MARCHF3: variants seen among roughly 807,000 people sequenced by gnomAD.
MARCHF3 encodes the protein membrane associated ring-CH-type finger 3, also known as E3 ubiquitin-protein ligase MARCHF3.
In MARCHF3, 13 loss-of-function variants were observed where a neutral mutation model predicts 24.2. That is an observed-to-expected ratio of 0.54 (90% CI 0.35 to 0.85). The LOEUF (loss-of-function observed/expected upper bound fraction) is 0.85, where lower values mean the gene tolerates loss of function less well. Ranked by LOEUF, MARCHF3 falls within the 40% of genes least tolerant of loss-of-function variation. The probability of loss-of-function intolerance (pLI) is 0.01; values close to 1 mark genes in which losing one functional copy is unlikely to be tolerated. For synonymous variants in MARCHF3, 144 were observed against 137.3 expected (o/e 1.05, Z -0.34); for missense variants, 276 against 325.0 (o/e 0.85, Z 1.16).
chr5:126,879,502 A>C (rs1394420384), intron 3 of MARCHF3, among the ~76,000 whole-genome samples: 1 of 152,180 alleles, frequency 6.6e-6, no homozygotes, highest in African/African-American at 2.4e-5. Flanking sequence ...ACTAATCCCC[A>C]AAAGGATGGG....
intron 1 of MARCHF3, among the ~76,000 whole-genome samples, chr5:126,966,603 T>C (rs930531631): frequency 3.3e-5 from 5 of 152,114 alleles, no homozygotes; most frequent in Non-Finnish European, 7.4e-5. Flanking sequence ...GTGAATCAGA[T>C]TTCCTAGATA....
At chr5:126,909,501 C>T (rs111799603) in intron 3 of MARCHF3, among the ~76,000 whole-genome samples, 2,082 of 152,346 alleles carry the variant, frequency 0.014, 56 homozygotes, top group African/African-American at 0.048. Context: ...CTCCGAGCCA[C>T]GCACAGGATA....
chr5:126,927,561 T>G (rs1749336298), intron 1 of MARCHF3, among the ~76,000 whole-genome samples: 1 of 152,204 alleles, frequency 6.6e-6, no homozygotes, highest in African/African-American at 2.4e-5. Flanking sequence ...ATCAGTCCCC[T>G]GCATCTTGGT....
At chr5:126,931,857 C>G (rs939717679) in intron 1 of MARCHF3, among the ~76,000 whole-genome samples, 1 of 151,808 alleles carries the variant, frequency 6.6e-6, no homozygotes, top group Non-Finnish European at 1.5e-5. Flanking sequence ...AAAAGCAAAG[C>G]GGGGGAAGGC....
At chr5:126,999,164 G>A (rs1156283643) in intron 1 of MARCHF3, among the ~76,000 whole-genome samples, 1 of 152,212 alleles carries the variant, frequency 6.6e-6, no homozygotes, top group Non-Finnish European at 1.5e-5. Context: ...GAGCTGCAGG[G>A]CTCAGTTGGG....
intron 1 of MARCHF3, among the ~76,000 whole-genome samples, chr5:127,000,678 G>T (rs1752097719): frequency 6.6e-6 from 1 of 152,108 alleles, no homozygotes; most frequent in Admixed American, 6.6e-5. Flanking sequence ...TCTTGAGTTT[G>T]CCCTTTTATT....
chr5:127,010,850 A>G (rs1752448444), intron 1 of MARCHF3, among the ~76,000 whole-genome samples: 1 of 152,184 alleles, frequency 6.6e-6, no homozygotes, highest in African/African-American at 2.4e-5. Flanking sequence ...AATGAGGTAG[A>G]GTAGTCAAAA....
intron 1 of MARCHF3, among the ~76,000 whole-genome samples, chr5:126,977,209 A>T (rs1359768504): frequency 4.6e-5 from 7 of 152,312 alleles, no homozygotes; most frequent in Admixed American, 3.9e-4. Flanking sequence ...CCCTGTACAA[A>T]GTCCTTTTTC....
intron 1 of MARCHF3, among the ~76,000 whole-genome samples, chr5:126,970,180 C>T (rs541922584): frequency 3.4e-4 from 51 of 152,010 alleles, no homozygotes; most frequent in African/African-American, 1.2e-3. Context: ...CTCTGCCTCC[C>T]GGGTTCAAAT....
At chr5:126,938,689 C>T (rs934027767) in intron 1 of MARCHF3, among the ~76,000 whole-genome samples, 5 of 152,100 alleles carry the variant, frequency 3.3e-5, no homozygotes, top group Non-Finnish European at 5.9e-5. Flanking sequence ...TCATTCACTT[C>T]CTAACTTGTG....
At chr5:126,889,456 G>A (rs906121740) in intron 3 of MARCHF3, among the ~76,000 whole-genome samples, 1 of 152,174 alleles carries the variant, frequency 6.6e-6, no homozygotes, top group African/African-American at 2.4e-5. Context: ...CTCAGGTGTA[G>A]TGAGAATGTG....
At chr5:126,929,008 T>C (rs1749390845) in intron 1 of MARCHF3, among the ~76,000 whole-genome samples, 1 of 152,156 alleles carries the variant, frequency 6.6e-6, no homozygotes. Context: ...TTTCCCCAAT[T>C]GTCTCAAAAA....
chr5:126,922,386 A>T (rs1749136960), intron 1 of MARCHF3, among the ~76,000 whole-genome samples: 1 of 152,192 alleles, frequency 6.6e-6, no homozygotes, highest in Non-Finnish European at 1.5e-5. Context: ...GGTCTAAAAC[A>T]AGATAATACA....
chr5:126,895,802 G>C (rs1031826155), intron 3 of MARCHF3, among the ~76,000 whole-genome samples: 3 of 152,180 alleles, frequency 2.0e-5, no homozygotes, highest in African/African-American at 7.2e-5. Context: ...GGAGCCTACA[G>C]AGGCAGGCAG....
intron 3 of MARCHF3, among the ~76,000 whole-genome samples, chr5:126,886,006 AT>A (rs1172225446): frequency 1.8e-4 from 27 of 150,794 alleles, no homozygotes; most frequent in African/African-American, 5.8e-4. Flanking sequence ...ATATATATAT[AT>A]AATTTTTTTT....
intron 1 of MARCHF3, among the ~76,000 whole-genome samples, chr5:126,921,203 C>T (rs1351776209): frequency 6.6e-6 from 1 of 152,118 alleles, no homozygotes; most frequent in Non-Finnish European, 1.5e-5. Flanking sequence ...TGAGTCCCAA[C>T]AGCCCTGAAA....
intron 1 of MARCHF3, among the ~76,000 whole-genome samples, chr5:127,011,655 GT>G (rs779856037): frequency 2.0e-5 from 3 of 152,146 alleles, no homozygotes; most frequent in African/African-American, 4.8e-5. Context: ...TAAAAGTGTA[GT>G]TTTCCCCCAC....
intron 3 of MARCHF3, among the ~76,000 whole-genome samples, chr5:126,903,267 C>A (rs550473501): frequency 1.7e-4 from 26 of 152,092 alleles, no homozygotes; most frequent in African/African-American, 5.8e-4. Context: ...TAGGTGTGTA[C>A]AAGCAAAAGG....
intron 3 of MARCHF3, 57 bp from the exon 4 acceptor site, chr5:126,878,451 A>C: frequency 6.6e-7 from 1 of 1,512,790 alleles, no homozygotes; most frequent in African/African-American, 1.4e-5. Flanking sequence ...GCCAGTGTGG[A>C]GTGGAGACAC....
Sources: allele counts gnomAD v4.1 joint callset (sites outside exome capture counted in the v4.1 genomes callset), GRCh38; gene constraint gnomAD v4.1.1; transcripts MANE v1.5; gene names NCBI Gene and HGNC (gene_info 2026-07-23, HGNC 2026-07-21).